The following CCDC6 variants were observed in gnomAD, a reference collection of about 807,000 sequenced individuals.
CCDC6 encodes coiled-coil domain containing 6, also known as coiled-coil domain-containing protein 6.
CCDC6 carries 20 observed loss-of-function variants against 56.6 expected under a neutral mutation model. The observed-to-expected ratio is 0.35, with a 90% confidence interval of 0.25 to 0.51. CCDC6 has a LOEUF of 0.51. Among genes scored for constraint, CCDC6 ranks in the 20% least tolerant of loss-of-function variants. The probability of loss-of-function intolerance (pLI) is 0.95; values close to 1 mark genes in which losing one functional copy is unlikely to be tolerated. For synonymous variants in CCDC6, 241 were observed against 234.4 expected (o/e 1.03, Z -0.26); for missense variants, 367 against 601.1 (o/e 0.61, Z 4.07).
intron 3 of CCDC6, among the ~76,000 whole-genome samples, chr10:59,818,005 C>A (rs1242559074): frequency 6.6e-6 from 1 of 152,106 alleles, no homozygotes; most frequent in Non-Finnish European, 1.5e-5. Context: ...AGTCATGCCA[C>A]CAAGATAGGA....
At chr10:59,827,861 T>C (rs144603808) in intron 3 of CCDC6, among the ~76,000 whole-genome samples, 1 of 152,268 alleles carries the variant, frequency 6.6e-6, no homozygotes, top group African/African-American at 2.4e-5. Flanking sequence ...TTAGCTGAAT[T>C]AGATGACTAA....
chr10:59,820,083 T>C (rs1247155028), intron 3 of CCDC6, among the ~76,000 whole-genome samples: 3 of 152,256 alleles, frequency 2.0e-5, no homozygotes, highest in Admixed American at 6.5e-5. Flanking sequence ...TCTGGCTTAT[T>C]TGAATTCACA....
chr10:59,878,931 T>C (rs2071308123), intron 1 of CCDC6, among the ~76,000 whole-genome samples: 1 of 152,208 alleles, frequency 6.6e-6, no homozygotes, highest in Admixed American at 6.5e-5. Context: ...ATGCAGTTTG[T>C]GTGCTTGGAG....
chr10:59,790,623 C>T lies in CCDC6; in HGVS notation c.*2294G>A, dbSNP rs1351202820. On this transcript the variant is annotated 3_prime_UTR_variant, in exon 9 of 9. Coordinates refer to ENST00000263102, the MANE Select transcript of CCDC6 (RefSeq NM_005436.5). Reference sequence around the variant, plus strand: ...TGTTTGTTCTATCAGTTCTGAATGTCCACAGGGAGAGGCAACTAGATTTAT... The same window carrying T: ...TGTTTGTTCTATCAGTTCTGAATGTTCACAGGGAGAGGCAACTAGATTTAT... The T allele has an allele frequency of 9.0e-6, 2 of 221,464 alleles. No homozygotes were observed. The highest frequency in any genetic ancestry group is 1.8e-5 in the Non-Finnish European group (2 of 110,736). 13.7% of individuals were successfully genotyped at this position (221,464 alleles called of 1,614,324 possible). A position where few individuals can be genotyped will look rare whatever the true frequency, so the allele number is the denominator to read the frequency against.
intron 1 of CCDC6, among the ~76,000 whole-genome samples, chr10:59,869,430 A>AAAAAAAAAAAAAAAAAACAAAAAAG (rs1589055825): frequency 1.1e-4 from 1 of 9,092 alleles, no homozygotes; most frequent in African/African-American, 4.8e-4. Context: ...CAGAAAAAAG[A>AAAAAAAAAAAAAAAAAACAAAAAAG]AAAAAAAAAA....
chr10:59,858,334 A>G (rs1219648698), intron 1 of CCDC6, among the ~76,000 whole-genome samples: 1 of 152,180 alleles, frequency 6.6e-6, no homozygotes, highest in African/African-American at 2.4e-5. Flanking sequence ...TGATAACTGA[A>G]GCATTCATAT....
rs2071400512 is a variant in CCDC6, at chr10:59,888,690, G to A, written c.303+17432C>T. Among the ~76,000 whole-genome samples, 5 of 152,186 alleles carry A rather than the reference G, an allele frequency of 3.3e-5. No homozygotes were observed. In the South Asian group the frequency reaches 1.0e-3, roughly 32 times the overall value. On this transcript the variant is annotated intron_variant, in intron 1 of 8. Coordinates refer to ENST00000263102, the MANE Select transcript of CCDC6 (RefSeq NM_005436.5). The stretch of plus-strand genomic sequence containing the variant: ...GGGGAAAAATTGCTAATTTTGTCTG[G>A]TATGATAATGGTATGGTGGTTATAA...
intron 1 of CCDC6, among the ~76,000 whole-genome samples, chr10:59,904,100 G>A (rs1468986078): frequency 2.6e-5 from 4 of 152,146 alleles, no homozygotes; most frequent in Non-Finnish European, 5.9e-5. Context: ...AGAGGCTTCT[G>A]GTACTTGTGC....
intron 1 of CCDC6, among the ~76,000 whole-genome samples, chr10:59,881,477 G>A (rs565511150): frequency 9.2e-5 from 14 of 152,266 alleles, no homozygotes; most frequent in African/African-American, 3.4e-4. Flanking sequence ...TCCTCTCTTA[G>A]GGATCAGCTG....
In CCDC6 at chr10:59,806,975, G is replaced by A. The variant is rs752874887; in HGVS notation, c.951C>T (p.Ala317=). The change falls in exon 6 of 9, where the codon GCC becomes GCT. Residue 317 remains alanine (A), a synonymous_variant. Coordinates refer to ENST00000263102, the MANE Select transcript of CCDC6 (RefSeq NM_005436.5). ...CACTCTCGGAGAGCTGTCGACAGAGGGCTTCTCTTCTCTCCATCTCCCTCT... is the reference window on the plus strand; with the variant it reads ...CACTCTCGGAGAGCTGTCGACAGAGAGCTTCTCTTCTCTCCATCTCCCTCT... The part of the protein sequence containing the change: ...KLQREMERRE[A]LCRQLSESES... The A allele has an allele frequency of 1.9e-6, 3 of 1,613,924 alleles. No individual in the cohort carries two copies. The highest frequency in any genetic ancestry group is 2.2e-5 in the South Asian group (2 of 91,064).
chr10:59,906,043 G>A, intron 1 of CCDC6, 79 bp downstream of exon 1: 1 of 1,238,910 alleles, frequency 8.1e-7, no homozygotes, highest in Non-Finnish European at 1.1e-6. Flanking sequence ...GAAGACTTGG[G>A]GGGTGGCTGG....
At chr10:59,862,241 C>T (rs2071135419) in intron 1 of CCDC6, among the ~76,000 whole-genome samples, 1 of 151,948 alleles carries the variant, frequency 6.6e-6, no homozygotes, top group African/African-American at 2.4e-5. Flanking sequence ...AAACCCAGCA[C>T]TGTGTGACCC....
chr10:59,804,005 A>C (rs113216642), intron 7 of CCDC6, among the ~76,000 whole-genome samples: 4 of 152,298 alleles, frequency 2.6e-5, no homozygotes, highest in African/African-American at 9.6e-5. Flanking sequence ...GACTACATTA[A>C]TTATTCTGAG....
At chr10:59,799,261 T>A (rs2070552752) in intron 7 of CCDC6, among the ~76,000 whole-genome samples, 1 of 151,866 alleles carries the variant, frequency 6.6e-6, no homozygotes, top group Non-Finnish European at 1.5e-5. Flanking sequence ...TGAAACCTTG[T>A]CTCTACTAAA....
intron 1 of CCDC6, among the ~76,000 whole-genome samples, chr10:59,896,403 G>A (rs1291490732): frequency 6.6e-6 from 1 of 152,162 alleles, no homozygotes; most frequent in Non-Finnish European, 1.5e-5. Context: ...GCCCAGAGCT[G>A]GGCGTAGGGC....
chr10:59,812,062 C>CAAAAAAAA (rs142710534), intron 5 of CCDC6, among the ~76,000 whole-genome samples: 1 of 121,132 alleles, frequency 8.3e-6, no homozygotes, highest in African/African-American at 2.9e-5. Flanking sequence ...TTTGAATAGC[C>CAAAAAAAA]AAAAAAAAAA....
At chr10:59,862,496 A>T (rs1462062110) in intron 1 of CCDC6, among the ~76,000 whole-genome samples, 2 of 119,190 alleles carry the variant, frequency 1.7e-5, no homozygotes, top group Non-Finnish European at 3.3e-5. Flanking sequence ...TCAAGAAAAA[A>T]AAAAGTATAT....
At position 59,792,845 on chromosome 10, in the gene CCDC6, G is replaced by A; in HGVS notation, c.*72C>T. Reference sequence around the variant, plus strand: ...AGTCATATCCAAATATGCCAGAGAAGGAAGCCTTTGGCGTTGAGTAGACGG... The same window carrying A: ...AGTCATATCCAAATATGCCAGAGAAAGAAGCCTTTGGCGTTGAGTAGACGG... On this transcript the variant is annotated 3_prime_UTR_variant, in exon 9 of 9. Transcript: ENST00000263102. The A allele has an allele frequency of 2.1e-6, 3 of 1,434,200 alleles. No homozygotes were observed. The highest frequency in any genetic ancestry group is 3.0e-6 in the Non-Finnish European group (3 of 1,016,292). 88.8% of individuals were successfully genotyped at this position (1,434,200 alleles called of 1,614,324 possible).
chr10:59,892,585 C>T (rs1420456966), intron 1 of CCDC6, among the ~76,000 whole-genome samples: 1 of 152,190 alleles, frequency 6.6e-6, no homozygotes, highest in Non-Finnish European at 1.5e-5. Context: ...TAGAGCAGGA[C>T]TGATTTTGAA....
Sources: allele counts gnomAD v4.1 joint callset (sites outside exome capture counted in the v4.1 genomes callset), GRCh38; gene constraint gnomAD v4.1.1; transcripts MANE v1.5; gene names NCBI Gene and HGNC (gene_info 2026-07-23, HGNC 2026-07-21).